PPP2R2C: variants seen among roughly 807,000 people sequenced by gnomAD.
PPP2R2C encodes protein phosphatase 2, regulatory subunit B, gamma.
A neutral mutation model predicts 45.3 loss-of-function variants in PPP2R2C; 10 were observed. The observed-to-expected ratio is 0.22, with a 90% CI of 0.14 to 0.37. PPP2R2C has a LOEUF of 0.37. Among genes scored for constraint, PPP2R2C ranks in the 10% least tolerant of loss-of-function variants. PPP2R2C has a pLI of 1.00. For synonymous variants in PPP2R2C, 257 were observed against 245.4 expected, an observed-to-expected ratio of 1.05 and a Z score of -0.44; for missense variants, 308 against 619.7, an observed-to-expected ratio of 0.50 and a Z score of 5.34.
chr4:6,356,519 G>C (rs1019250304), intron 5 of PPP2R2C, among the ~76,000 whole-genome samples: 5 of 152,238 alleles, frequency 3.3e-5, no homozygotes, highest in African/African-American at 1.2e-4. Context: ...CTCCAGCTCT[G>C]CCGCTTGCTA....
At chr4:6,333,806 T>G in intron 6 of PPP2R2C, 75 bp from the exon 7 acceptor site, 1 of 1,515,396 alleles carries the variant, frequency 6.6e-7, no homozygotes, top group Non-Finnish European at 9.1e-7. Context: ...ATGACTCTGT[T>G]TTGCACCTGG....
At chr4:6,503,023 C>T (rs1723109288) in intron 2 of PPP2R2C, among the ~76,000 whole-genome samples, 1 of 152,198 alleles carries the variant, frequency 6.6e-6, no homozygotes, top group Admixed American at 6.5e-5. Context: ...AGCCCTTCCT[C>T]ACTGCTGTCT....
chr4:6,333,673 G>T lies in PPP2R2C; in HGVS notation c.849C>A (p.Ser283=). The T allele has an allele frequency of 6.2e-7, 1 of 1,614,148 alleles. No individual in the cohort carries two copies. The highest frequency in any genetic ancestry group is 1.7e-4 in the Middle Eastern group (1 of 6,060). ...NRSFFSEIIS[S]VSDVKFSHSG... is the part of the protein sequence containing the mutation. ...TGTGGCTGAACTTCACGTCGGACAC[G>T]GAGGAGATGATTTCCGAGAAGAATG... The change falls in exon 7 of 9, where the codon TCC becomes TCA. Residue 283 remains serine (S), a synonymous_variant. Transcript: ENST00000382599.
intron 6 of PPP2R2C, among the ~76,000 whole-genome samples, chr4:6,344,546 G>A (rs532956618): frequency 1.6e-4 from 24 of 152,278 alleles, no homozygotes; most frequent in African/African-American, 5.5e-4. Flanking sequence ...ATTGAGGGGT[G>A]CACAAAACTG....
At chr4:6,511,706 TGGA>T (rs1560594233) in intron 2 of PPP2R2C, among the ~76,000 whole-genome samples, 2 of 68,120 alleles carry the variant, frequency 2.9e-5, no homozygotes, top group Non-Finnish European at 7.1e-5. Flanking sequence ...GTGATGGTGG[TGGA>T]GGTGATGGTG....
chr4:6,511,450 G>A (rs1407520168), intron 2 of PPP2R2C, among the ~76,000 whole-genome samples: 11 of 142,982 alleles, frequency 7.7e-5, no homozygotes, highest in East Asian at 2.2e-4. Flanking sequence ...GACGGTGGTG[G>A]TGGTGATGAT....
chr4:6,494,013 C>A (rs2108788171), intron 2 of PPP2R2C, among the ~76,000 whole-genome samples: 1 of 152,344 alleles, frequency 6.6e-6, no homozygotes. Context: ...AGCTTCGAGC[C>A]TGCAGCGTAC....
At chr4:6,354,529 G>A (rs1468749920) in intron 5 of PPP2R2C, among the ~76,000 whole-genome samples, 2 of 152,088 alleles carry the variant, frequency 1.3e-5, no homozygotes, top group African/African-American at 2.4e-5. Flanking sequence ...CAGAGCTGGT[G>A]CCTGGGACAT....
At chr4:6,413,425 TC>T (rs1196357533) in intron 1 of PPP2R2C, among the ~76,000 whole-genome samples, 1 of 152,232 alleles carries the variant, frequency 6.6e-6, no homozygotes, top group Admixed American at 6.5e-5. Context: ...TCAAAGCTAC[TC>T]GGGGTCAGAG....
At chr4:6,381,581 C>A in intron 1 of PPP2R2C, 5 of 1,436,946 alleles carry the variant, frequency 3.5e-6, no homozygotes, top group Non-Finnish European at 4.6e-6. Context: ...CACAGTAGGA[C>A]AGAGGTGAAT....
At chr4:6,480,834 G>A (rs903635203) in intron 2 of PPP2R2C, among the ~76,000 whole-genome samples, 4 of 152,224 alleles carry the variant, frequency 2.6e-5, no homozygotes, top group African/African-American at 9.6e-5. Flanking sequence ...ACTTGGAATA[G>A]ACTTAAATTC....
intron 1 of PPP2R2C, among the ~76,000 whole-genome samples, chr4:6,538,799 G>T (rs531932905): frequency 2.6e-5 from 4 of 152,178 alleles, no homozygotes; most frequent in African/African-American, 9.6e-5. Context: ...CCGCTCCCCC[G>T]CACCGTCATG....
intron 1 of PPP2R2C, among the ~76,000 whole-genome samples, chr4:6,425,585 G>C (rs1719239783): frequency 6.6e-6 from 1 of 152,184 alleles, no homozygotes; most frequent in African/African-American, 2.4e-5. Context: ...TGAGGCTTTT[G>C]GTTTATGACC....
At chr4:6,424,493 C>T (rs916036670) in intron 1 of PPP2R2C, among the ~76,000 whole-genome samples, 2 of 152,218 alleles carry the variant, frequency 1.3e-5, no homozygotes, top group African/African-American at 4.8e-5. Context: ...GTGACCATAG[C>T]ATGACTGACC....
At chr4:6,411,597 G>C (rs1718204843) in intron 1 of PPP2R2C, among the ~76,000 whole-genome samples, 1 of 145,892 alleles carries the variant, frequency 6.9e-6, no homozygotes, top group African/African-American at 2.6e-5. Flanking sequence ...CTATGGCCCA[G>C]GCTGGAGTGC....
intron 2 of PPP2R2C, among the ~76,000 whole-genome samples, chr4:6,510,959 A>G (rs1267778353): frequency 3.5e-5 from 5 of 142,942 alleles, no homozygotes; most frequent in African/African-American, 7.7e-5. Flanking sequence ...CCTCGGCAAC[A>G]GAGTGAGACT....
In PPP2R2C at chr4:6,472,574, G is replaced by T. The variant is rs1401219746; in HGVS notation, c.-345C>A. On this transcript the variant is annotated 5_prime_UTR_variant, in exon 1 of 9. Transcript: ENST00000382599. The stretch of plus-strand genomic sequence containing the variant: ...GCGACGGCGGCGAGGGGACGCGCGC[G>T]GCGCTGCGCTGCGCCGACCAAGCCG... 1 of 146,364 alleles carries T rather than the reference G, an allele frequency of 6.8e-6. No individual in the cohort carries two copies. Among genetic ancestry groups the T allele is most frequent in the East Asian group, 2.0e-4 (1 of 5,062 alleles). The allele number at this position is 146,364 out of a possible 1,614,324, so 9.1% of individuals were successfully genotyped here.
intron 2 of PPP2R2C, among the ~76,000 whole-genome samples, chr4:6,523,270 C>T (rs1724084081): frequency 2.0e-5 from 3 of 152,322 alleles, no homozygotes; most frequent in South Asian, 4.1e-4. Flanking sequence ...AAAGAAAGAA[C>T]ACAAGACTTC....
At chr4:6,410,865 ATTTATTTAT>A (rs1408101783) in intron 1 of PPP2R2C, among the ~76,000 whole-genome samples, 1 of 150,326 alleles carries the variant, frequency 6.7e-6, no homozygotes, top group African/African-American at 2.5e-5. Flanking sequence ...TTATTTATTT[ATTTATTTAT>A]TTATTTATTT....
Sources: gnomAD v4.1 joint callset for allele counts (sites outside exome capture counted in the v4.1 genomes callset) on GRCh38, gnomAD v4.1.1 for gene constraint, MANE v1.5 for transcripts, NCBI Gene and HGNC (gene_info 2026-07-23, HGNC 2026-07-21) for gene names.